Variants in SGSM2 observed in about 807,000 individuals in gnomAD.
SGSM2 encodes small G protein signaling modulator 2.
Under a neutral mutation model 126.6 loss-of-function variants are expected in SGSM2, and 89 were observed. That is an observed-to-expected ratio of 0.70 (90% confidence interval 0.59 to 0.84). The LOEUF is 0.84. Among genes scored for constraint, SGSM2 ranks in the 40% least tolerant of loss-of-function variants. The pLI is 0.00. For missense variants in SGSM2, 1,404 were observed against 1,416.6 expected (o/e 0.99, Z 0.14); for synonymous variants, 614 against 574.3 (o/e 1.07, Z -0.99).
At chr17:2,338,567 G>A (rs976206975) in intron 1 of SGSM2, among the ~76,000 whole-genome samples, 1 of 151,960 alleles carries the variant, frequency 6.6e-6, no homozygotes, top group African/African-American at 2.4e-5. Context: ...TTGTCTGCCT[G>A]GTAAGTAAAC....
chr17:2,340,968 A>G (rs1459472344), intron 1 of SGSM2, among the ~76,000 whole-genome samples: 2 of 152,190 alleles, frequency 1.3e-5, no homozygotes, highest in Non-Finnish European at 2.9e-5. Flanking sequence ...GGCCTTTCAC[A>G]AAGGACCACT....
chr17:2,364,725 A>G (rs2065475603), intron 9 of SGSM2, 62 bp downstream of exon 9: 1 of 1,592,286 alleles, frequency 6.3e-7, no homozygotes. Context: ...CCAGCTGTGC[A>G]CTGTGCGTGG....
chr17:2,371,959 C>G, intron 13 of SGSM2: 2 of 557,222 alleles, frequency 3.6e-6, no homozygotes, highest in Non-Finnish European at 6.4e-6. Context: ...AGGTGAAGTT[C>G]GTTGACCAAG....
At chr17:2,353,859 C>T (rs1231967062) in intron 2 of SGSM2, among the ~76,000 whole-genome samples, 1 of 152,096 alleles carries the variant, frequency 6.6e-6, no homozygotes, top group Admixed American at 6.5e-5. Flanking sequence ...CAGGTAACCA[C>T]TTTTGTTTCT....
In SGSM2 at chr17:2,379,725, TGGGAGGG is replaced by T; in HGVS notation, c.*207_*213del. ...GGATGCCCTCGGATCAGGGCCGGGA[TGGGAGGG>T]GTCAGCCTCAGGGAGCAGCTGCCTT... On this transcript the variant is annotated 3_prime_UTR_variant, in exon 24 of 24. Coordinates refer to ENST00000268989, the MANE Select transcript of SGSM2 (RefSeq NM_014853.3). 2.1e-6 allele frequency: 3 copies of T among 1,407,624 alleles called. No individual in the cohort carries two copies. Among genetic ancestry groups the T allele is most frequent in the Non-Finnish European group, 9.3e-7 (1 of 1,079,956 alleles). 87.2% of individuals were successfully genotyped at this position (1,407,624 alleles called of 1,614,324 possible). A position where few individuals can be genotyped will look rare whatever the true frequency, so the allele number is the denominator to read the frequency against.
At chr17:2,376,383 C>G (rs2066155405) in intron 19 of SGSM2, 122 bp downstream of exon 19, 3 of 1,315,558 alleles carry the variant, frequency 2.3e-6, no homozygotes, top group Non-Finnish European at 3.1e-6. Flanking sequence ...TTGGCTCCCC[C>G]TGCCTGGAAC....
At chr17:2,368,567 A>G (rs1019071778) in intron 12 of SGSM2, among the ~76,000 whole-genome samples, 1 of 152,200 alleles carries the variant, frequency 6.6e-6, no homozygotes, top group Admixed American at 6.5e-5. Context: ...CCGGGCAGGC[A>G]GGACGGCCTG....
chr17:2,338,039 A>G (rs1270495613), intron 1 of SGSM2, among the ~76,000 whole-genome samples: 2 of 151,720 alleles, frequency 1.3e-5, no homozygotes, highest in Admixed American at 6.6e-5. Context: ...GGTGGCGGCG[A>G]TGGCGGGGAT....
At chr17:2,342,793 A>G (rs1376378822) in intron 1 of SGSM2, among the ~76,000 whole-genome samples, 2 of 152,174 alleles carry the variant, frequency 1.3e-5, no homozygotes, top group South Asian at 2.1e-4. Flanking sequence ...CCTGACCAAT[A>G]TGGTGAAACC....
intron 17 of SGSM2, chr17:2,374,558 T>C (rs1025799995): frequency 1.3e-5 from 2 of 151,996 alleles, no homozygotes; most frequent in African/African-American, 4.8e-5. Flanking sequence ...GCCTGGGCCA[T>C]AGAGTGAGAC....
At chr17:2,377,300 A>G (rs976584795) in intron 21 of SGSM2, 1 of 486,340 alleles carries the variant, frequency 2.1e-6, no homozygotes, top group East Asian at 3.7e-5. Context: ...CCTGGCCAAC[A>G]TCGTGAAACC....
At chr17:2,350,968 G>A (rs528278328) in intron 2 of SGSM2, among the ~76,000 whole-genome samples, 51 of 152,282 alleles carry the variant, frequency 3.3e-4, no homozygotes, top group African/African-American at 1.2e-3. Context: ...AGAGGAGCCC[G>A]TGGGCTGGGC....
chr17:2,360,741 C>A (rs890820872), intron 2 of SGSM2, among the ~76,000 whole-genome samples: 2 of 152,254 alleles, frequency 1.3e-5, no homozygotes, highest in African/African-American at 2.4e-5. Context: ...TGTGAAAAAA[C>A]CACCTCCTTC....
chr17:2,343,443 G>A, intron 1 of SGSM2, 102 bp from the exon 2 acceptor site: 5 of 1,094,400 alleles, frequency 4.6e-6, no homozygotes, highest in African/African-American at 1.5e-5. Context: ...GTGTCTGAAA[G>A]TGCCCTTCAG....
At position 2,377,910 on chromosome 17, in the gene SGSM2, C is replaced by A; in HGVS notation, c.2856C>A (p.His952Gln). Residue 952 changes from histidine to glutamine, a missense_variant, in exon 22 of 24, where the codon CAC (histidine) becomes CAA (glutamine). Transcript: ENST00000268989. Reference sequence around the variant, plus strand: ...TGCATCAGAATGGAGACTACACCCACTTCTACTTCTGTTATCGCTGGTTCC... The same window carrying A: ...TGCATCAGAATGGAGACTACACCCAATTCTACTTCTGTTATCGCTGGTTCC... ...ELMHQNGDYT[H>Q]FYFCYRWFLL... 7 of 1,613,388 alleles carry A rather than the reference C, an allele frequency of 4.3e-6. No homozygotes were observed. Among genetic ancestry groups the A allele is most frequent in the Non-Finnish European group, 5.9e-6 (7 of 1,179,400 alleles).
At position 2,363,498 on chromosome 17, in the gene SGSM2, G is replaced by A. The variant is rs1179737446; in HGVS notation, c.706G>A (p.Glu236Lys). The A allele has an allele frequency of 6.2e-7, 1 of 1,613,400 alleles. No homozygotes were observed. The highest frequency in any genetic ancestry group is 1.3e-5 in the African/African-American group (1 of 74,946). ...RKRHSSGSAS[E>K]DRLAACAREC... ...ACGGCACTCAAGCGGCAGCGCGTCG[G>A]AGGACAGGCTGGCTGCCTGTGCCCG... Residue 236 changes from glutamate (E) to lysine (K), a missense_variant, in exon 7 of 24, where the codon GAG becomes AAG. Coordinates refer to ENST00000268989, the MANE Select transcript of SGSM2 (RefSeq NM_014853.3). The surrounding 1 kb of genome is among the most constrained non-coding windows in gnomAD (Gnocchi z 4.2).
Position 2,372,281 on chromosome 17 carries a change from G to A in SGSM2, c.1642+27G>A. The stretch of plus-strand genomic sequence containing the variant: ...TGAGTGTGGGGCGCGCCGGGCTGTG[G>A]CGGGCTGGGGGCGGGCGGCCCTGGG... On this transcript the variant is annotated intron_variant, in intron 14 of 23. Transcript: ENST00000268989. The surrounding 1 kb of genome is among the most constrained non-coding windows in gnomAD (Gnocchi z 6.0). 6.2e-7 allele frequency: 1 copy of A among 1,612,050 alleles called. No homozygotes were observed.
chr17:2,360,912 A>C (rs2065281416), intron 2 of SGSM2, among the ~76,000 whole-genome samples: 1 of 152,078 alleles, frequency 6.6e-6, no homozygotes, highest in Non-Finnish European at 1.5e-5. Context: ...TCACCTGTAA[A>C]ACTGTTAGTT....
chr17:2,348,228 G>C (rs1048031183), intron 2 of SGSM2, among the ~76,000 whole-genome samples: 1 of 152,124 alleles, frequency 6.6e-6, no homozygotes, highest in Non-Finnish European at 1.5e-5. Context: ...CTCTCCCCTG[G>C]GATATTGCAG....
Sources: gnomAD v4.1 joint callset for allele counts (sites outside exome capture counted in the v4.1 genomes callset) on GRCh38, gnomAD v4.1.1 for gene constraint, Gnocchi (gnomAD v3.1) non-coding constraint, MANE v1.5 for transcripts, NCBI Gene and HGNC (gene_info 2026-07-23, HGNC 2026-07-21) for gene names.